The following STK17B variants were observed in gnomAD, a reference collection of about 807,000 sequenced individuals.
The protein encoded by STK17B is serine/threonine kinase 17b, also known as serine/threonine-protein kinase 17B.
In STK17B, 21 loss-of-function variants were observed where a neutral mutation model predicts 42.0. The ratio of observed to expected loss-of-function variants is 0.50; its 90% confidence interval spans 0.35 to 0.72. STK17B has a LOEUF of 0.72. Among genes scored for constraint, STK17B ranks in the 30% least tolerant of loss-of-function variants. The pLI, the probability that STK17B is intolerant of heterozygous loss-of-function variation, is 0.00. For missense variants in STK17B, 349 were observed against 446.0 expected (o/e 0.78, Z 1.96); for synonymous variants, 143 against 148.4 (o/e 0.96, Z 0.26).
chr2:196,145,535 A>G (rs1699560408), intron 4 of STK17B, among the ~76,000 whole-genome samples: 1 of 152,234 alleles, frequency 6.6e-6, no homozygotes, highest in Admixed American at 6.5e-5. Context: ...CATGAGGATT[A>G]GCAGGATTTA....
intron 5 of STK17B, among the ~76,000 whole-genome samples, chr2:196,143,102 G>A (rs947096278): frequency 2.6e-5 from 4 of 152,088 alleles, no homozygotes; most frequent in African/African-American, 4.8e-5. Flanking sequence ...TGAGGTGGCC[G>A]GCTAACAATT....
chr2:196,172,273 A>G (rs927973870), upstream of STK17B, among the ~76,000 whole-genome samples: 2 of 152,206 alleles, frequency 1.3e-5, no homozygotes, highest in Non-Finnish European at 1.5e-5. Flanking sequence ...AAAAGATGAA[A>G]GCCCTCAGCA....
At chr2:196,153,627 T>C (rs1375531395) in intron 3 of STK17B, 1 of 152,158 alleles carries the variant, frequency 6.6e-6, no homozygotes, top group East Asian at 1.9e-4. Context: ...CTCAGAGAGA[T>C]GGCTGATTAC....
At chr2:196,156,686 T>C (rs1219270905) in intron 2 of STK17B, 35 bp from the exon 3 acceptor site, 1 of 1,539,356 alleles carries the variant, frequency 6.5e-7, no homozygotes, top group Admixed American at 1.8e-5. Flanking sequence ...TTTTAATTTT[T>C]CTGCAGAGAA....
intron 2 of STK17B, 53 bp downstream of exon 2, chr2:196,163,209 C>T: frequency 6.3e-7 from 1 of 1,588,916 alleles, no homozygotes; most frequent in Non-Finnish European, 8.6e-7. Context: ...ATTATAAAAA[C>T]ACAAATCCAA....
Position 196,156,446 on chromosome 2 carries a change from A to T in STK17B, c.328T>A (p.Leu110Met). ...YENTSEIILI[L>M]EYAAGGEIFS... ...TATTTAGTATATACTTACTATTCCA[A>T]TATCAAAATGATTTCACTTGTATTT... The change falls in exon 3 of 8, where the codon TTG becomes ATG. Residue 110 changes from leucine to methionine, a missense_variant. Physicochemically the swap from Leu to Met is conservative, Grantham distance 15. Transcript: ENST00000263955. The T allele has an allele frequency of 6.2e-7, 1 of 1,611,500 alleles. No homozygotes were observed. Among genetic ancestry groups the T allele is most frequent in the East Asian group, 2.2e-5 (1 of 44,812 alleles).
Position 196,146,020 on chromosome 2 carries a change from G to A in STK17B, c.371C>T (p.Pro124Leu). 1 of 1,596,322 alleles carries A rather than the reference G, an allele frequency of 6.3e-7. No individual in the cohort carries two copies. The highest frequency in any genetic ancestry group is 1.8e-5 in the Admixed American group (1 of 54,220). The change falls in exon 4 of 8, where the codon CCT (proline) becomes CTT (leucine). Residue 124 changes from proline to leucine, a missense_variant. Physicochemically the swap from Pro to Leu is moderately conservative, Grantham distance 98 (BLOSUM62 -3). Coordinates refer to ENST00000263955, the MANE Select transcript of STK17B (RefSeq NM_004226.4). ...TTCAGAAACCATTTCAGCCAACTCA[G>A]GTAAACACAGGCTGAAAATTTCTCC... ...AGGEIFSLCL[P>L]ELAEMVSEND...
At chr2:196,167,049 C>T (rs189279122) in intron 1 of STK17B, among the ~76,000 whole-genome samples, 1 of 152,314 alleles carries the variant, frequency 6.6e-6, no homozygotes, top group East Asian at 1.9e-4. Context: ...TATTTTGCCA[C>T]CACATCTTTG....
intron 1 of STK17B, among the ~76,000 whole-genome samples, chr2:196,167,267 C>A (rs1042202420): frequency 6.6e-6 from 1 of 152,190 alleles, no homozygotes; most frequent in Non-Finnish European, 1.5e-5. Context: ...TGTTAGATTG[C>A]AATTCTGTTC....
At chr2:196,147,572 G>A (rs191421241) in intron 3 of STK17B, among the ~76,000 whole-genome samples, 1 of 152,218 alleles carries the variant, frequency 6.6e-6, no homozygotes, top group East Asian at 1.9e-4. Flanking sequence ...CAGTAAGCCA[G>A]TTAGAAGCCG....
Position 196,133,941 on chromosome 2 carries a change from A to C in STK17B, c.*3506T>G, listed in dbSNP as rs1699358700. The stretch of plus-strand genomic sequence containing the variant: ...CCCAAACTGAAGTGAAATACTTTTA[A>C]TACTACTTGAAATTAAAGTACAGTT... On this transcript the variant is annotated 3_prime_UTR_variant, in exon 8 of 8. Transcript: ENST00000263955. The C allele has an allele frequency of 6.6e-6, 1 of 152,380 alleles. No homozygotes were observed. The highest frequency in any genetic ancestry group is 1.9e-4 in the East Asian group (1 of 5,194). The allele number at this position is 152,380 out of a possible 1,614,324, so 9.4% of individuals were successfully genotyped here.
chr2:196,149,239 C>G (rs1036130663), intron 3 of STK17B, among the ~76,000 whole-genome samples: 11 of 151,892 alleles, frequency 7.2e-5, no homozygotes, highest in African/African-American at 2.7e-4. Flanking sequence ...TCTCTACTCA[C>G]CGCAACCTCC....
At chr2:196,146,264 T>A (rs1447258166) in intron 3 of STK17B, among the ~76,000 whole-genome samples, 1 of 152,172 alleles carries the variant, frequency 6.6e-6, no homozygotes, top group Non-Finnish European at 1.5e-5. Context: ...ACCAGCACTT[T>A]GGGAGGCTGA....
chr2:196,146,441 T>C (rs1575174904), intron 3 of STK17B, among the ~76,000 whole-genome samples: 2 of 152,084 alleles, frequency 1.3e-5, no homozygotes, highest in African/African-American at 4.8e-5. Context: ...GAGGCAAAGG[T>C]TGCAGTGAGC....
At chr2:196,164,674 T>C (rs1004941804) in intron 1 of STK17B, among the ~76,000 whole-genome samples, 6 of 152,308 alleles carry the variant, frequency 3.9e-5, no homozygotes, top group African/African-American at 7.2e-5. Flanking sequence ...ATGCCAACTA[T>C]AGTCTACTTA....
chr2:196,147,926 C>T (rs1040674419), intron 3 of STK17B, among the ~76,000 whole-genome samples: 4 of 151,976 alleles, frequency 2.6e-5, no homozygotes, highest in South Asian at 2.1e-4. Flanking sequence ...GATAAGGTTT[C>T]GCCATGTTGG....
At chr2:196,155,430 G>C (rs1699725163) in intron 3 of STK17B, among the ~76,000 whole-genome samples, 1 of 152,018 alleles carries the variant, frequency 6.6e-6, no homozygotes, top group African/African-American at 2.4e-5. Context: ...GTTGATTCCA[G>C]CCAATCTATT....
chr2:196,155,157 T>C (rs1384527305), intron 3 of STK17B, among the ~76,000 whole-genome samples: 2 of 152,232 alleles, frequency 1.3e-5, no homozygotes, highest in Non-Finnish European at 2.9e-5. Context: ...TAGCTACTTT[T>C]TACACACTTC....
At chr2:196,159,729 G>A (rs1189288324) in intron 2 of STK17B, among the ~76,000 whole-genome samples, 2 of 152,162 alleles carry the variant, frequency 1.3e-5, no homozygotes, top group Admixed American at 1.3e-4. Context: ...AGCTCCATGA[G>A]GGCAGGGACC....
Sources: allele counts gnomAD v4.1 joint callset (sites outside exome capture counted in the v4.1 genomes callset), GRCh38; gene constraint gnomAD v4.1.1; transcripts MANE v1.5; gene names NCBI Gene and HGNC (gene_info 2026-07-23, HGNC 2026-07-21).